Variants in VPS53 observed in about 807,000 individuals in gnomAD.
VPS53 encodes vacuolar protein sorting-associated protein 53 homolog.
Under a neutral mutation model 107.0 loss-of-function variants are expected in VPS53, and 70 were observed. The ratio of observed to expected loss-of-function variants is 0.65; its 90% CI spans 0.54 to 0.80. The LOEUF (loss-of-function observed/expected upper bound fraction) is 0.80. Ranked by LOEUF, VPS53 falls within the 30% of genes least tolerant of loss-of-function variation. The pLI, the probability that VPS53 is intolerant of heterozygous loss-of-function variation, is 0.00. For missense variants in VPS53, 917 were observed against 1,049.4 expected (o/e 0.87, Z 1.74); for synonymous variants, 409 against 393.3 (o/e 1.04, Z -0.47).
rs146908828 is a variant in VPS53 at position 647,826 on chromosome 17, A to G, written c.608+5465T>C. ...ATGAAAATCCAAATCCAGACAAGAA[A>G]AGTGGTATACTAGAAGCCTGAGGAC... On this transcript the variant is annotated intron_variant, in intron 7 of 21. Coordinates refer to ENST00000437048, the MANE Select transcript of VPS53 (RefSeq NM_001128159.3). 2.6e-3 allele frequency among the ~76,000 whole-genome samples: 390 copies of G among 152,322 alleles called. 3 individuals carry two copies. Among genetic ancestry groups the G allele is most frequent in the African/African-American group, 8.8e-3 (366 of 41,574 alleles).
intron 7 of VPS53, among the ~76,000 whole-genome samples, chr17:637,204 T>A (rs1469249418): frequency 6.6e-6 from 1 of 152,246 alleles, no homozygotes; most frequent in Non-Finnish European, 1.5e-5. Context: ...TTTATTTGCA[T>A]AGGGGTGTTT....
At chr17:636,847 A>G (rs1970217463) in intron 7 of VPS53, among the ~76,000 whole-genome samples, 1 of 152,208 alleles carries the variant, frequency 6.6e-6, no homozygotes, top group African/African-American at 2.4e-5. Context: ...TTTTGTGCCA[A>G]TGTTCATCAG....
At chr17:677,923 G>C (rs1972230888) in intron 4 of VPS53, among the ~76,000 whole-genome samples, 1 of 151,918 alleles carries the variant, frequency 6.6e-6, no homozygotes, top group Admixed American at 6.6e-5. Context: ...TTCAAGACCA[G>C]TCTGGGCAAC....
chr17:544,513 A>G (rs912555796), intron 17 of VPS53, among the ~76,000 whole-genome samples: 3 of 152,206 alleles, frequency 2.0e-5, no homozygotes, highest in Admixed American at 1.3e-4. Flanking sequence ...ACAATCCTGC[A>G]TAAAGAGGCA....
intron 5 of VPS53, among the ~76,000 whole-genome samples, chr17:658,004 G>A (rs111575818): frequency 4.4e-5 from 5 of 113,394 alleles, no homozygotes; most frequent in Non-Finnish European, 7.2e-5. Flanking sequence ...TGAGATACTC[G>A]GCCGTGAGTT....
At chr17:667,811 G>A (rs913493881) in intron 4 of VPS53, among the ~76,000 whole-genome samples, 2 of 152,148 alleles carry the variant, frequency 1.3e-5, no homozygotes, top group African/African-American at 4.8e-5. Flanking sequence ...GTGAGCGGTG[G>A]GCAAGTGAGT....
intron 11 of VPS53, among the ~76,000 whole-genome samples, chr17:614,066 G>A (rs973839243): frequency 6.6e-6 from 1 of 152,194 alleles, no homozygotes; most frequent in African/African-American, 2.4e-5. Context: ...GTCCACAACA[G>A]GCATCCGTAA....
chr17:710,668 A>C (rs1973607887), intron 1 of VPS53, 55 bp from the exon 2 acceptor site: 1 of 1,346,558 alleles, frequency 7.4e-7, no homozygotes, highest in African/African-American at 1.5e-5. Flanking sequence ...GTAAATATAT[A>C]TAATTTTAAT....
intron 17 of VPS53, among the ~76,000 whole-genome samples, chr17:549,109 G>A (rs1418772744): frequency 6.6e-6 from 1 of 151,964 alleles, no homozygotes; most frequent in African/African-American, 2.4e-5. Context: ...GCCTTTCTGA[G>A]CCTTGCAGCT....
At chr17:662,857 G>GGAAGGAAC (rs1971522302) in intron 4 of VPS53, among the ~76,000 whole-genome samples, 2 of 91,222 alleles carry the variant, frequency 2.2e-5, no homozygotes, top group South Asian at 3.9e-4. Flanking sequence ...AAGGAAGGAA[G>GGAAGGAAC]GAAGGAAGGA....
intron 7 of VPS53, among the ~76,000 whole-genome samples, chr17:639,764 T>G (rs1269152189): frequency 6.6e-6 from 1 of 152,072 alleles, no homozygotes; most frequent in African/African-American, 2.4e-5. Context: ...CTGCCTGACT[T>G]CGTCTCAGAG....
intron 19 of VPS53, among the ~76,000 whole-genome samples, chr17:522,339 CTT>C (rs1327320292): frequency 1.3e-5 from 2 of 152,234 alleles, no homozygotes; most frequent in African/African-American, 4.8e-5. Context: ...GGTTTTCTCA[CTT>C]AATATACACA....
intron 11 of VPS53, among the ~76,000 whole-genome samples, chr17:607,731 T>C (rs946802770): frequency 1.3e-5 from 2 of 152,228 alleles, no homozygotes; most frequent in Non-Finnish European, 2.9e-5. Flanking sequence ...TTTGCTATGA[T>C]GACAGTTGAT....
intron 2 of VPS53, among the ~76,000 whole-genome samples, chr17:705,317 A>G (rs1295641912): frequency 6.6e-6 from 1 of 152,096 alleles, no homozygotes; most frequent in African/African-American, 2.4e-5. Context: ...GGCCAGGCAC[A>G]GTGGCTCAAA....
chr17:695,875 G>A (rs1972942674), intron 4 of VPS53, among the ~76,000 whole-genome samples: 1 of 152,178 alleles, frequency 6.6e-6, no homozygotes, highest in Non-Finnish European at 1.5e-5. Context: ...AGTGGCCAGA[G>A]CTGATACGGT....
intron 13 of VPS53, among the ~76,000 whole-genome samples, chr17:570,762 G>C (rs1913964155): frequency 2.0e-5 from 3 of 152,164 alleles, no homozygotes; most frequent in South Asian, 4.1e-4. Context: ...CAAACAAGCA[G>C]ATTGGGACAA....
At position 513,102 on chromosome 17, in the gene VPS53, T is replaced by C. The variant is rs544713697; in HGVS notation, c.*6026A>G. 1 of 152,404 alleles carries C rather than the reference T, an allele frequency of 6.6e-6. No individual in the cohort carries two copies. The highest frequency in any genetic ancestry group is 2.1e-4 in the South Asian group (1 of 4,820). 9.4% of individuals were successfully genotyped at this position (152,404 alleles called of 1,614,324 possible). On this transcript the variant is annotated 3_prime_UTR_variant, in exon 22 of 22. Transcript: ENST00000437048. The stretch of plus-strand genomic sequence containing the variant: ...ATTCTGCTCCCACGCGTTGCTTCCT[T>C]AGACTGTCAGGGAAGGGAGAAGGGC...
At chr17:661,971 G>T (rs1971455468) in intron 4 of VPS53, 76 bp from the exon 5 acceptor site, 1 of 1,270,910 alleles carries the variant, frequency 7.9e-7, no homozygotes. Flanking sequence ...TCAATGCTAG[G>T]CACAAAAGAA....
intron 11 of VPS53, among the ~76,000 whole-genome samples, chr17:607,298 G>C (rs1217517811): frequency 6.6e-6 from 1 of 152,118 alleles, no homozygotes; most frequent in Non-Finnish European, 1.5e-5. Context: ...TAAAAGCAAA[G>C]GGCCCATCAA....
Sources: allele counts gnomAD v4.1 joint callset (sites outside exome capture counted in the v4.1 genomes callset), GRCh38; gene constraint gnomAD v4.1.1; transcripts MANE v1.5; gene names NCBI Gene and HGNC (gene_info 2026-07-23, HGNC 2026-07-21).